The following AHCTF1 variants were observed in gnomAD, a reference collection of about 807,000 sequenced individuals.
The protein encoded by AHCTF1 is protein ELYS.
AHCTF1 carries 24 observed loss-of-function variants against 248.4 expected under a neutral mutation model. That is an observed-to-expected ratio of 0.10 (90% confidence interval 0.07 to 0.14). The LOEUF (loss-of-function observed/expected upper bound fraction) is 0.14. Ranked by LOEUF, AHCTF1 falls within the 10% of genes least tolerant of loss-of-function variation. AHCTF1 has a pLI of 1.00. For missense variants in AHCTF1, 2,206 were observed against 2,636.2 expected, an observed-to-expected ratio of 0.84 and a Z score of 3.57; for synonymous variants, 786 against 929.8, an observed-to-expected ratio of 0.85 and a Z score of 2.81.
At chr1:246,885,779 A>G (rs1663774997) in intron 20 of AHCTF1, 99 bp from the exon 21 acceptor site, 1 of 1,144,270 alleles carries the variant, frequency 8.7e-7, no homozygotes, top group South Asian at 1.7e-5. Context: ...TCCAGATAAG[A>G]CTCGTTTAAA....
intron 1 of AHCTF1, among the ~76,000 whole-genome samples, chr1:246,926,992 G>A (rs1478350095): frequency 6.6e-6 from 1 of 151,674 alleles, no homozygotes; most frequent in Non-Finnish European, 1.5e-5. Context: ...GGCTAACAAG[G>A]TGAAATCCCG....
At chr1:246,887,440 G>A (rs1410317808) in intron 19 of AHCTF1, 83 bp from the exon 20 acceptor site, 1 of 1,370,206 alleles carries the variant, frequency 7.3e-7, no homozygotes, top group South Asian at 1.4e-5. Context: ...GCAACAAAAT[G>A]TAGCATTAAA....
intron 25 of AHCTF1, 99 bp downstream of exon 25, chr1:246,867,562 A>G (rs1428327618): frequency 6.9e-7 from 1 of 1,444,866 alleles, no homozygotes; most frequent in Non-Finnish European, 9.5e-7. Flanking sequence ...TACATACACT[A>G]ATAAACTTAG....
At chr1:246,844,883 T>G (rs1275937683) in intron 33 of AHCTF1, among the ~76,000 whole-genome samples, 1 of 152,008 alleles carries the variant, frequency 6.6e-6, no homozygotes, top group African/African-American at 2.4e-5. Flanking sequence ...CACAGTTCAG[T>G]TTAACCAGTC....
chr1:246,843,814 T>C lies in AHCTF1; in HGVS notation c.6506A>G (p.Asn2169Ser), dbSNP rs766810830. The change falls in exon 34 of 36, where the codon AAC becomes AGC. Residue 2169 changes from asparagine to serine, a missense_variant. By Grantham distance (46) the Asn-to-Ser change is conservative. Coordinates refer to ENST00000648844, the MANE Select transcript of AHCTF1 (RefSeq NM_001323342.2). ...RSRQKNTSNKNKLEDELKDDA... is the reference protein window; with the variant it reads ...RSRQKNTSNKSKLEDELKDDA... ...TCTTACCAGTTCATCTTCAAGCTTG[T>C]TCTTATTGGATGTGTTTTTTTGTCT... 1.2e-5 allele frequency: 18 copies of C among 1,461,456 alleles called. No homozygotes were observed. Among genetic ancestry groups the C allele is most frequent in the Non-Finnish European group, 1.6e-5 (18 of 1,104,854 alleles). 90.5% of individuals were successfully genotyped at this position (1,461,456 alleles called of 1,614,324 possible). A position where few individuals can be genotyped will look rare whatever the true frequency, so the allele number is the denominator to read the frequency against.
intron 7 of AHCTF1, 82 bp downstream of exon 7, chr1:246,903,867 A>C (rs1192845644): frequency 2.6e-5 from 29 of 1,102,614 alleles, no homozygotes; most frequent in Non-Finnish European, 3.5e-5. Context: ...ATCACTTTTC[A>C]ATATCTTAAA....
At chr1:246,907,218 T>C (rs977620429) in intron 5 of AHCTF1, among the ~76,000 whole-genome samples, 1 of 152,178 alleles carries the variant, frequency 6.6e-6, no homozygotes, top group Non-Finnish European at 1.5e-5. Context: ...ACAGTAAAAT[T>C]TTATGAGACC....
At chr1:246,859,159 TACTA>T (rs1465609923) in intron 29 of AHCTF1, among the ~76,000 whole-genome samples, 1 of 152,244 alleles carries the variant, frequency 6.6e-6, no homozygotes, top group Non-Finnish European at 1.5e-5. Context: ...TGCCCATGCT[TACTA>T]AGTAAAGATA....
intron 9 of AHCTF1, 24 bp from the exon 10 acceptor site, chr1:246,900,270 C>CTAAG (rs767928956): frequency 2.5e-5 from 39 of 1,585,636 alleles, no homozygotes; most frequent in Middle Eastern, 3.4e-4. Flanking sequence ...TAAAACATTA[C>CTAAG]TAAGTCATTG....
At chr1:246,880,302 C>T (rs141097043) in intron 21 of AHCTF1, among the ~76,000 whole-genome samples, 3 of 151,580 alleles carry the variant, frequency 2.0e-5, no homozygotes, top group African/African-American at 7.3e-5. Context: ...TGGTGGCTCA[C>T]GCCTGTAATC....
intron 1 of AHCTF1, 89 bp downstream of exon 1, chr1:246,931,489 C>T: frequency 1.9e-6 from 1 of 536,786 alleles, no homozygotes; most frequent in Non-Finnish European, 2.4e-6. Context: ...CCGCCGCCGC[C>T]GCCGCCGCCG....
At chr1:246,867,169 TAA>T in intron 26 of AHCTF1, 73 bp downstream of exon 26, 1 of 730,128 alleles carries the variant, frequency 1.4e-6, no homozygotes. Flanking sequence ...TATAAAATGT[TAA>T]AGATAATTAA....
chr1:246,858,088 T>C (rs989792512), intron 29 of AHCTF1, among the ~76,000 whole-genome samples: 1 of 151,788 alleles, frequency 6.6e-6, no homozygotes, highest in African/African-American at 2.4e-5. Flanking sequence ...GCCCCCCGAG[T>C]AGCTGGCACT....
intron 4 of AHCTF1, among the ~76,000 whole-genome samples, chr1:246,912,059 T>A (rs901654710): frequency 1.3e-5 from 2 of 152,154 alleles, no homozygotes. Flanking sequence ...TCGGTTTTTT[T>A]ATACACTGAC....
chr1:246,926,971 G>C (rs895521823), intron 1 of AHCTF1, among the ~76,000 whole-genome samples: 2 of 151,888 alleles, frequency 1.3e-5, no homozygotes, highest in Admixed American at 6.5e-5. Flanking sequence ...TCAGGAGATC[G>C]AGACCATCCT....
rs565233790 is a variant in AHCTF1 at position 246,847,538 on chromosome 1, C to T, written c.6391+2077G>A. On this transcript the variant is annotated intron_variant, in intron 33 of 35. Transcript: ENST00000648844. ...TTTGAGACGTGGTCTTGCTCTGTTG[C>T]CCAGGCTGGAGTGCAGGGGCACACG... 3.3e-5 allele frequency among the ~76,000 whole-genome samples: 5 copies of T among 152,182 alleles called. No individual in the cohort carries two copies. In the South Asian group the frequency reaches 1.0e-3, roughly 32 times the overall value.
chr1:246,931,172 A>T, intron 1 of AHCTF1: 1 of 1,550,342 alleles, frequency 6.5e-7, no homozygotes, highest in African/African-American at 1.4e-5. Context: ...CCAACACAGG[A>T]CAGGCTCAGC....
intron 25 of AHCTF1, 69 bp from the exon 26 acceptor site, chr1:246,867,420 G>T (rs1662063649): frequency 9.2e-7 from 1 of 1,085,208 alleles, no homozygotes; most frequent in Non-Finnish European, 1.3e-6. Context: ...TGAGATGGGA[G>T]AACAGAGGGT....
intron 21 of AHCTF1, among the ~76,000 whole-genome samples, chr1:246,879,108 G>A (rs558662773): frequency 2.0e-5 from 3 of 151,864 alleles, no homozygotes; most frequent in Non-Finnish European, 2.9e-5. Context: ...CATACAAAGC[G>A]GCTATAAATC....
Sources: allele counts gnomAD v4.1 joint callset (sites outside exome capture counted in the v4.1 genomes callset), GRCh38; gene constraint gnomAD v4.1.1; transcripts MANE v1.5; gene names NCBI Gene and HGNC (gene_info 2026-07-23, HGNC 2026-07-21).